ACSM4: variants seen among roughly 807,000 people sequenced by gnomAD.
The protein encoded by ACSM4 is acyl-coenzyme A synthetase ACSM4, mitochondrial.
Under a neutral mutation model 73.0 loss-of-function variants are expected in ACSM4, and 66 were observed. That is an observed-to-expected ratio of 0.90 (90% CI 0.74 to 1.11). The LOEUF (loss-of-function observed/expected upper bound fraction) is 1.11. Ranked by LOEUF, ACSM4 falls within the 50% of genes least tolerant of loss-of-function variation. The probability of loss-of-function intolerance (pLI) is 0.00; values close to 1 mark genes in which losing one functional copy is unlikely to be tolerated. For missense variants in ACSM4, 645 were observed against 714.4 expected, an observed-to-expected ratio of 0.90 and a Z score of 1.11; for synonymous variants, 222 against 254.0, an observed-to-expected ratio of 0.87 and a Z score of 1.20.
At chr12:7,316,854 C>A (rs1014193773) in intron 3 of ACSM4, among the ~76,000 whole-genome samples, 2 of 152,110 alleles carry the variant, frequency 1.3e-5, no homozygotes, top group African/African-American at 4.8e-5. Context: ...ACATAAAATG[C>A]ATGTCTTTTG....
chr12:7,304,801 A>C (rs1196219555), intron 1 of ACSM4, among the ~76,000 whole-genome samples: 2 of 152,124 alleles, frequency 1.3e-5, no homozygotes, highest in Non-Finnish European at 2.9e-5. Context: ...TCTTTTCTCC[A>C]AGCCCCATGC....
chr12:7,317,429 C>A, intron 4 of ACSM4, 149 bp downstream of exon 4: 2 of 1,126,806 alleles, frequency 1.8e-6, no homozygotes, highest in Non-Finnish European at 2.4e-6. Flanking sequence ...CCCCGCCCAA[C>A]CTAGCTCAGT....
At chr12:7,306,504 C>G in intron 1 of ACSM4, 29 bp from the exon 2 acceptor site, 1 of 1,549,970 alleles carries the variant, frequency 6.5e-7, no homozygotes, top group Non-Finnish European at 8.7e-7. Context: ...GTAAACCTAC[C>G]CCTCTCTTTT....
intron 3 of ACSM4, among the ~76,000 whole-genome samples, chr12:7,315,344 C>T (rs1160167938): frequency 6.6e-6 from 1 of 152,158 alleles, no homozygotes; most frequent in Non-Finnish European, 1.5e-5. Flanking sequence ...GGTGTGGTGG[C>T]TTACGCCTGT....
intron 11 of ACSM4, among the ~76,000 whole-genome samples, chr12:7,326,196 G>A (rs1033794319): frequency 2.0e-5 from 3 of 152,052 alleles, no homozygotes; most frequent in Middle Eastern, 3.2e-3. Flanking sequence ...GAGGTTTTTG[G>A]CTTTTGGCTT....
chr12:7,306,619 CT>C lies in ACSM4; in HGVS notation c.290del (p.Leu97CysfsTer23). The C allele has an allele frequency of 6.2e-7, 1 of 1,604,788 alleles. No homozygotes were observed. The highest frequency in any genetic ancestry group is 1.3e-5 in the African/African-American group (1 of 74,870). ...AATGGAGCTTCAGAGAACTGGGCTC[CT>C]TGTCCCGAAAAGCTGCCAACGTGCT... ...VKWSFRELGS[L>X]SRKAANVLTK... On this transcript the variant is annotated frameshift_variant, in exon 2 of 13. Transcript: ENST00000399422. LOFTEE classifies it high-confidence loss of function.
chr12:7,310,495 T>C, intron 2 of ACSM4, 44 bp from the exon 3 acceptor site: 2 of 1,545,364 alleles, frequency 1.3e-6, no homozygotes, highest in Non-Finnish European at 1.7e-6. Context: ...TCTTCCACAA[T>C]GGACAGCAGT....
At chr12:7,322,384 T>C in intron 6 of ACSM4, 34 bp from the exon 7 acceptor site, 1 of 1,612,550 alleles carries the variant, frequency 6.2e-7, no homozygotes, top group South Asian at 1.1e-5. Flanking sequence ...CTCAGGTTCC[T>C]CTTGAAAAGA....
chr12:7,306,919 T>G (rs1265294714), intron 2 of ACSM4, among the ~76,000 whole-genome samples, 176 bp downstream of exon 2: 2 of 150,254 alleles, frequency 1.3e-5, no homozygotes, highest in Non-Finnish European at 2.9e-5. Context: ...GAGGGAGGTA[T>G]TAGTGTGATA....
intron 11 of ACSM4, among the ~76,000 whole-genome samples, chr12:7,326,351 T>A (rs1018262719): frequency 3.9e-5 from 6 of 152,180 alleles, no homozygotes; most frequent in African/African-American, 1.4e-4. Flanking sequence ...ACTACAGGTG[T>A]GCACAACTGC....
intron 6 of ACSM4, among the ~76,000 whole-genome samples, chr12:7,321,317 A>G (rs1772100324): frequency 6.6e-6 from 1 of 152,252 alleles, no homozygotes; most frequent in Non-Finnish European, 1.5e-5. Context: ...TATTCAATTT[A>G]GCCAAACCAT....
rs753431123 is a variant in ACSM4 at position 7,324,331 on chromosome 12, G to C, written c.1367G>C (p.Arg456Thr). ...IRGDFYVTGD[R>T]GVMDSDGYFW... ...GGAGATTTTTATGTCACTGGAGACA[G>C]AGGAGTGATGGACAGTGATGGGTAT... The change falls in exon 10 of 13, where the codon AGA becomes ACA. Residue 456 changes from arginine to threonine, a missense_variant. Arg to Thr is a moderately conservative substitution (Grantham distance 71). Coordinates refer to ENST00000399422, the MANE Select transcript of ACSM4 (RefSeq NM_001080454.2). 1 of 1,614,070 alleles carries C rather than the reference G, an allele frequency of 6.2e-7. No homozygotes were observed. The highest frequency in any genetic ancestry group is 1.7e-5 in the Admixed American group (1 of 60,024).
chr12:7,321,713 C>T (rs1172247758), intron 6 of ACSM4, among the ~76,000 whole-genome samples: 6 of 152,178 alleles, frequency 3.9e-5, no homozygotes, highest in Non-Finnish European at 8.8e-5. Context: ...CACCTGTGTC[C>T]AGTAAGGCTA....
rs1565750866 is a variant in ACSM4, at chr12:7,304,449, G to T, written c.118G>T (p.Ala40Ser). Residue 40 changes from alanine (A) to serine (S), a missense_variant, in exon 1 of 13, where the codon GCC becomes TCC. By Grantham distance (99) the Ala-to-Ser change is moderately conservative. Coordinates refer to ENST00000399422, the MANE Select transcript of ACSM4 (RefSeq NM_001080454.2). ...GCCTCTGACTCTTGCTGACTTTGAAGCCATAAATCGCTGTAACAGGCCATT... is the reference window on the plus strand; with the variant it reads ...GCCTCTGACTCTTGCTGACTTTGAATCCATAAATCGCTGTAACAGGCCATT... ...WTPLTLADFE[A>S]INRCNRPLPK... The T allele has an allele frequency of 6.2e-7, 1 of 1,614,002 alleles. No individual in the cohort carries two copies. Among genetic ancestry groups the T allele is most frequent in the Non-Finnish European group, 8.5e-7 (1 of 1,179,872 alleles).
In ACSM4 at chr12:7,326,876, G is replaced by T. The variant is rs927626075; in HGVS notation, c.1537-100G>T. The T allele has an allele frequency of 7.6e-6, 10 of 1,319,358 alleles. No homozygotes were observed. In the African/African-American group the frequency reaches 1.3e-4, roughly 18 times the overall value. The allele number at this position is 1,319,358 out of a possible 1,614,324, so 81.7% of individuals were successfully genotyped here. A position where few individuals can be genotyped will look rare whatever the true frequency, so the allele number is the denominator to read the frequency against. ...GGCATTTGCAGTCATCACACAAACT[G>T]TTATTAATAAATAGTAAGCACCTGT... On this transcript the variant is annotated intron_variant, in intron 11 of 12. Coordinates refer to ENST00000399422, the MANE Select transcript of ACSM4 (RefSeq NM_001080454.2).
intron 10 of ACSM4, 31 bp downstream of exon 10, chr12:7,324,431 C>A (rs759640837): frequency 6.2e-7 from 1 of 1,613,930 alleles, no homozygotes; most frequent in Middle Eastern, 1.7e-4. Flanking sequence ...GAAGAGGTAA[C>A]AATTCGACAG....
At chr12:7,317,328 C>A in intron 4 of ACSM4, 48 bp downstream of exon 4, 3 of 1,509,058 alleles carry the variant, frequency 2.0e-6, no homozygotes, top group Non-Finnish European at 2.7e-6. Flanking sequence ...CCCAAAGCTG[C>A]GAATATGCGT....
At chr12:7,306,799 A>G (rs1946364969) in intron 2 of ACSM4, 56 bp downstream of exon 2, 3 of 1,471,758 alleles carry the variant, frequency 2.0e-6, no homozygotes, top group Non-Finnish European at 2.8e-6. Context: ...CTGAAACTCA[A>G]TGGTTTTCTG....
chr12:7,315,873 G>T lies in ACSM4; in HGVS notation c.621-1264G>T, dbSNP rs12298409. Among the ~76,000 whole-genome samples the T allele has an allele frequency of 7.5e-3, 1,147 of 152,288 alleles. 15 individuals are homozygous for T. Among genetic ancestry groups the T allele is most frequent in the African/African-American group, 0.026 (1,088 of 41,536 alleles). ...CACCTTTAAGTCAGGCTGGCTGCCA[G>T]CTGAAGCACCTCAGTTTTCCTGCAC... On this transcript the variant is annotated intron_variant, in intron 3 of 12. Transcript: ENST00000399422.
Sources: allele counts gnomAD v4.1 joint callset (sites outside exome capture counted in the v4.1 genomes callset), GRCh38; gene constraint gnomAD v4.1.1; transcripts MANE v1.5; gene names NCBI Gene and HGNC (gene_info 2026-07-23, HGNC 2026-07-21).